GRIK2: variants seen among roughly 807,000 people sequenced by gnomAD.
GRIK2 encodes glutamate receptor ionotropic, kainate 2.
Under a neutral mutation model 100.3 loss-of-function variants are expected in GRIK2, and 32 were observed. That is an observed-to-expected ratio of 0.32 (90% CI 0.24 to 0.43). The LOEUF (loss-of-function observed/expected upper bound fraction) is 0.43. Ranked by LOEUF, GRIK2 falls within the 20% of genes least tolerant of loss-of-function variation. The pLI, the probability that GRIK2 is intolerant of heterozygous loss-of-function variation, is 1.00. For missense variants in GRIK2, 843 were observed against 1,114.9 expected (o/e 0.76, Z 3.47); for synonymous variants, 417 against 389.4 (o/e 1.07, Z -0.83).
chr6:101,871,049 C>T (rs1446613785), intron 11 of GRIK2, among the ~76,000 whole-genome samples: 2 of 151,752 alleles, frequency 1.3e-5, no homozygotes, highest in African/African-American at 4.8e-5. Flanking sequence ...TACCTATATA[C>T]ACTATCAAAA....
chr6:101,817,986 C>G (rs1237205330), intron 9 of GRIK2, among the ~76,000 whole-genome samples: 1 of 152,098 alleles, frequency 6.6e-6, no homozygotes, highest in African/African-American at 2.4e-5. Context: ...TTAGCTTTGT[C>G]TGTATAATAT....
At chr6:101,981,276 A>T (rs1160185238) in intron 14 of GRIK2, among the ~76,000 whole-genome samples, 4 of 151,984 alleles carry the variant, frequency 2.6e-5, no homozygotes, top group African/African-American at 7.2e-5. Context: ...AAATATTCTG[A>T]TATGCTTCTT....
At chr6:101,815,942 A>C (rs2128420659) in intron 9 of GRIK2, among the ~76,000 whole-genome samples, 1 of 152,340 alleles carries the variant, frequency 6.6e-6, no homozygotes, top group East Asian at 1.9e-4. Context: ...AGATTCATGT[A>C]ATATTCATCT....
In GRIK2 at chr6:101,598,592, T is replaced by TAA. The variant is rs75603851; in HGVS notation, c.116-23339_116-23338dup. Among the ~76,000 whole-genome samples, 276 of 82,364 alleles carry TAA rather than the reference T, an allele frequency of 3.4e-3. 1 individual carries two copies. The East Asian group carries it at 0.048, about 14-fold the overall frequency. The allele number at this position is 82,364 out of a possible 152,430, so 54.0% of individuals were successfully genotyped here. A position where few individuals can be genotyped will look rare whatever the true frequency, so the allele number is the denominator to read the frequency against. ...CTTGCTCCAGGGCTCTCTTCCTTAA[T>TAA]AAAAAAAAAAAAAAAAAAAGAAAGA... On this transcript the variant is annotated intron_variant, in intron 2 of 16. Coordinates refer to ENST00000369134, the MANE Select transcript of GRIK2 (RefSeq NM_021956.5).
chr6:101,697,953 G>A (rs188404917), intron 7 of GRIK2, among the ~76,000 whole-genome samples: 58 of 152,194 alleles, frequency 3.8e-4, no homozygotes, highest in Non-Finnish European at 7.4e-4. Flanking sequence ...CTTCACTTTA[G>A]TGCAGATGCT....
intron 12 of GRIK2, among the ~76,000 whole-genome samples, chr6:101,923,885 C>T (rs1047176581): frequency 2.8e-5 from 4 of 143,232 alleles, no homozygotes; most frequent in African/African-American, 1.1e-4. Context: ...TGTGCCGCTG[C>T]ACTCACTCCA....
intron 7 of GRIK2, among the ~76,000 whole-genome samples, chr6:101,718,398 A>G (rs1171103793): frequency 6.6e-6 from 1 of 151,934 alleles, no homozygotes; most frequent in African/African-American, 2.4e-5. Flanking sequence ...AATATCACAT[A>G]TCAGAGAAAA....
Position 102,012,485 on chromosome 6 carries a change from T to C in GRIK2, c.2086-22856T>C, listed in dbSNP as rs578159620. Among the ~76,000 whole-genome samples, 5 of 152,334 alleles carry C rather than the reference T, an allele frequency of 3.3e-5. No individual in the cohort carries two copies. In the East Asian group the frequency reaches 9.6e-4, roughly 29 times the overall value. On this transcript the variant is annotated intron_variant, in intron 14 of 16. Coordinates refer to ENST00000369134, the MANE Select transcript of GRIK2 (RefSeq NM_021956.5). ...GAGTCTTCCTATCCATGAACATGAATGTCTCCCCATTTATTTGATTCTTTT... is the reference window on the plus strand; with the variant it reads ...GAGTCTTCCTATCCATGAACATGAACGTCTCCCCATTTATTTGATTCTTTT...
chr6:101,735,301 C>CT (rs964865616), intron 7 of GRIK2, among the ~76,000 whole-genome samples: 15 of 151,876 alleles, frequency 9.9e-5, no homozygotes, highest in Non-Finnish European at 2.2e-4. Context: ...GTACCATCAA[C>CT]TTTTTTTTGG....
At chr6:102,055,232 G>T in intron 15 of GRIK2, 98 bp from the exon 16 acceptor site, 1 of 846,132 alleles carries the variant, frequency 1.2e-6, no homozygotes. Flanking sequence ...ACACTTTGAA[G>T]CATTTTGAAA....
chr6:101,579,185 T>G (rs1474676358), intron 2 of GRIK2, among the ~76,000 whole-genome samples: 1 of 152,130 alleles, frequency 6.6e-6, no homozygotes, highest in East Asian at 1.9e-4. Context: ...GTTATTCTCC[T>G]TTTGCTGATA....
intron 2 of GRIK2, among the ~76,000 whole-genome samples, chr6:101,441,226 A>G (rs1201454525): frequency 1.3e-5 from 2 of 152,048 alleles, no homozygotes; most frequent in African/African-American, 2.4e-5. Flanking sequence ...CCTCGCTGTG[A>G]GATTCTTTCT....
chr6:101,749,405 G>A (rs1166658164), intron 7 of GRIK2, among the ~76,000 whole-genome samples: 1 of 152,028 alleles, frequency 6.6e-6, no homozygotes, highest in Non-Finnish European at 1.5e-5. Context: ...CACCACGCCT[G>A]GCCAGAAGTA....
intron 4 of GRIK2, among the ~76,000 whole-genome samples, chr6:101,649,299 G>A (rs530995631): frequency 2.6e-5 from 4 of 152,160 alleles, no homozygotes; most frequent in Middle Eastern, 3.4e-3. Context: ...AATCCCCTCA[G>A]GAAGTACAGA....
intron 2 of GRIK2, among the ~76,000 whole-genome samples, chr6:101,478,472 A>C (rs950122523): frequency 6.6e-6 from 1 of 151,288 alleles, no homozygotes; most frequent in Admixed American, 6.6e-5. Context: ...CATTATATAC[A>C]AAGGAACAAA....
intron 2 of GRIK2, among the ~76,000 whole-genome samples, chr6:101,510,400 G>A (rs1051843437): frequency 6.6e-6 from 1 of 151,726 alleles, no homozygotes; most frequent in Non-Finnish European, 1.5e-5. Flanking sequence ...ATCATCTTAA[G>A]GTTTTCTGAA....
intron 15 of GRIK2, among the ~76,000 whole-genome samples, chr6:102,041,783 C>A (rs1375506171): frequency 6.8e-6 from 1 of 146,136 alleles, no homozygotes; most frequent in Non-Finnish European, 1.5e-5. Flanking sequence ...ACTTCTAATA[C>A]GAGGTTTTAG....
intron 10 of GRIK2, among the ~76,000 whole-genome samples, chr6:101,855,527 A>C (rs1784378915): frequency 6.6e-6 from 1 of 152,166 alleles, no homozygotes; most frequent in Non-Finnish European, 1.5e-5. Flanking sequence ...CTTCCCTGTC[A>C]GAAAAATCAA....
intron 11 of GRIK2, among the ~76,000 whole-genome samples, chr6:101,888,816 T>C (rs1582463218): frequency 6.6e-6 from 1 of 152,198 alleles, no homozygotes; most frequent in African/African-American, 2.4e-5. Flanking sequence ...ATAAAATGAA[T>C]GTAGCAATAT....
Sources: gnomAD v4.1 joint callset for allele counts (sites outside exome capture counted in the v4.1 genomes callset) on GRCh38, gnomAD v4.1.1 for gene constraint, MANE v1.5 for transcripts, NCBI Gene and HGNC (gene_info 2026-07-23, HGNC 2026-07-21) for gene names.